The following KSR2 variants were observed in gnomAD, a reference collection of about 807,000 sequenced individuals.
KSR2 encodes kinase suppressor of ras 2.
KSR2 carries 25 observed loss-of-function variants against 107.8 expected under a neutral mutation model. The ratio of observed to expected loss-of-function variants is 0.23; its 90% confidence interval spans 0.17 to 0.32. The LOEUF is 0.32. Ranked by LOEUF, KSR2 falls within the 10% of genes least tolerant of loss-of-function variation. KSR2 has a pLI of 1.00. For missense variants in KSR2, 887 were observed against 1,268.9 expected, an observed-to-expected ratio of 0.70 and a Z score of 4.57; for synonymous variants, 480 against 507.0, an observed-to-expected ratio of 0.95 and a Z score of 0.71.
At chr12:117,589,355 T>G (rs1880186702) in intron 5 of KSR2, among the ~76,000 whole-genome samples, 1 of 152,222 alleles carries the variant, frequency 6.6e-6, no homozygotes, top group African/African-American at 2.4e-5. Context: ...CAGTGGGACC[T>G]AGATTATGTG....
chr12:117,587,978 G>A (rs1381401330), intron 5 of KSR2, among the ~76,000 whole-genome samples: 2 of 152,094 alleles, frequency 1.3e-5, no homozygotes, highest in East Asian at 3.9e-4. Context: ...CCCCTACCCA[G>A]GTCCAATGCT....
chr12:117,512,029 C>A (rs1044648940), intron 14 of KSR2, among the ~76,000 whole-genome samples: 3 of 152,110 alleles, frequency 2.0e-5, no homozygotes, highest in South Asian at 2.1e-4. Flanking sequence ...GAGCTCCACT[C>A]CCAACTGAAC....
chr12:117,818,707 G>A (rs1891460306), intron 3 of KSR2, among the ~76,000 whole-genome samples: 1 of 152,164 alleles, frequency 6.6e-6, no homozygotes, highest in Admixed American at 6.5e-5. Flanking sequence ...GTGGCTAGAG[G>A]AGGAGGAACG....
At chr12:117,893,901 A>G (rs1894423637) in intron 1 of KSR2, among the ~76,000 whole-genome samples, 1 of 145,692 alleles carries the variant, frequency 6.9e-6, no homozygotes, top group Non-Finnish European at 1.5e-5. Flanking sequence ...CACAAAGAAC[A>G]AAATTCTTTT....
intron 4 of KSR2, among the ~76,000 whole-genome samples, chr12:117,694,520 G>A (rs1254207798): frequency 6.6e-6 from 1 of 152,136 alleles, no homozygotes; most frequent in Non-Finnish European, 1.5e-5. Context: ...CAGCATGAGA[G>A]CAGACTGATA....
At chr12:117,670,501 A>C (rs908088724) in intron 4 of KSR2, among the ~76,000 whole-genome samples, 1 of 152,184 alleles carries the variant, frequency 6.6e-6, no homozygotes, top group African/African-American at 2.4e-5. Context: ...CAGACCCTGC[A>C]TGTCAGTCCC....
chr12:117,468,548 GC>G (rs953154185), intron 19 of KSR2, among the ~76,000 whole-genome samples: 16 of 152,296 alleles, frequency 1.1e-4, no homozygotes, highest in Middle Eastern at 3.4e-3. Flanking sequence ...AATGTCCACA[GC>G]CCCCGGGGAC....
At chr12:117,647,454 G>A (rs11835028) in intron 5 of KSR2, among the ~76,000 whole-genome samples, 4,702 of 152,256 alleles carry the variant, frequency 0.031, 244 homozygotes, top group African/African-American at 0.11. Flanking sequence ...GAGCCAGCAC[G>A]GGCCCAGGGT....
intron 3 of KSR2, among the ~76,000 whole-genome samples, chr12:117,822,783 C>G (rs1243920452): frequency 6.6e-6 from 1 of 152,084 alleles, no homozygotes; most frequent in Admixed American, 6.6e-5. Context: ...GGGAAAAGAT[C>G]AAGATTCACA....
Position 117,806,703 on chromosome 12 carries a change from G to T in KSR2, c.473-45179C>A, listed in dbSNP as rs534192295. 9.2e-5 allele frequency among the ~76,000 whole-genome samples: 14 copies of T among 152,236 alleles called. No homozygotes were observed. The East Asian group carries it at 2.1e-3, about 23-fold the overall frequency. On this transcript the variant is annotated intron_variant, in intron 3 of 19. Coordinates refer to ENST00000339824, the MANE Select transcript of KSR2 (RefSeq NM_173598.6). Reference sequence around the variant, plus strand: ...TCTCAGCCCCTGGCAACACCCATCTGCTCTGGCTCTATGGGTTTACCCATT... The same window carrying T: ...TCTCAGCCCCTGGCAACACCCATCTTCTCTGGCTCTATGGGTTTACCCATT...
At chr12:117,692,888 TA>T (rs1340687038) in intron 4 of KSR2, among the ~76,000 whole-genome samples, 1 of 152,020 alleles carries the variant, frequency 6.6e-6, no homozygotes, top group Non-Finnish European at 1.5e-5. Flanking sequence ...GCCATGGGGA[TA>T]GGGGGAAGCT....
chr12:117,653,837 T>A (rs1884004481), intron 5 of KSR2, among the ~76,000 whole-genome samples: 1 of 152,186 alleles, frequency 6.6e-6, no homozygotes, highest in African/African-American at 2.4e-5. Flanking sequence ...GCTGCCAGTT[T>A]TGAGTGGGGT....
chr12:117,635,707 T>C (rs900035089), intron 5 of KSR2, among the ~76,000 whole-genome samples: 1 of 152,198 alleles, frequency 6.6e-6, no homozygotes, highest in African/African-American at 2.4e-5. Context: ...AGAGTTCTCA[T>C]ATACCCTTCA....
chr12:117,902,740 T>TA (rs770990447), intron 1 of KSR2, among the ~76,000 whole-genome samples: 33 of 150,836 alleles, frequency 2.2e-4, no homozygotes, highest in East Asian at 5.8e-4. Flanking sequence ...ACTTAAAGTA[T>TA]AAAAAAAAAG....
chr12:117,957,831 C>CCTT (rs755847165), intron 1 of KSR2, among the ~76,000 whole-genome samples: 1 of 137,064 alleles, frequency 7.3e-6, no homozygotes, highest in African/African-American at 2.7e-5. Flanking sequence ...GGCTGACCAC[C>CCTT]TTTTTTTTTT....
intron 4 of KSR2, among the ~76,000 whole-genome samples, chr12:117,723,755 A>G (rs1307190202): frequency 1.3e-5 from 2 of 152,168 alleles, no homozygotes; most frequent in Admixed American, 6.6e-5. Flanking sequence ...GGGAGGATAC[A>G]AGGAGCATCT....
intron 5 of KSR2, among the ~76,000 whole-genome samples, chr12:117,600,542 C>T (rs567349414): frequency 1.7e-4 from 26 of 152,132 alleles, no homozygotes; most frequent in Non-Finnish European, 3.5e-4. Flanking sequence ...TGATCATTCT[C>T]GCTTATGTAC....
At chr12:117,921,412 CT>C (rs1895342677) in intron 1 of KSR2, among the ~76,000 whole-genome samples, 2 of 150,022 alleles carry the variant, frequency 1.3e-5, no homozygotes, top group South Asian at 4.4e-4. Context: ...TATAGAGAGC[CT>C]TTTCAAGACA....
At chr12:117,881,656 A>G (rs1191770248) in intron 1 of KSR2, among the ~76,000 whole-genome samples, 2 of 151,758 alleles carry the variant, frequency 1.3e-5, no homozygotes, top group Non-Finnish European at 2.9e-5. Flanking sequence ...CTCATTTTAC[A>G]AATGAGGAAA....
Sources: allele counts gnomAD v4.1 joint callset (sites outside exome capture counted in the v4.1 genomes callset), GRCh38; gene constraint gnomAD v4.1.1; transcripts MANE v1.5; gene names NCBI Gene and HGNC (gene_info 2026-07-23, HGNC 2026-07-21).